The following TXLNB variants were observed in gnomAD, a reference collection of about 807,000 sequenced individuals.
The protein encoded by TXLNB is taxilin beta, also known as beta-taxilin.
Under a neutral mutation model 57.4 loss-of-function variants are expected in TXLNB, and 37 were observed. The observed-to-expected ratio is 0.64, with a 90% CI of 0.50 to 0.85. The LOEUF is 0.85. TXLNB is among the 40% of genes least tolerant of loss of function. TXLNB has a pLI of 0.00. For missense variants in TXLNB, 848 were observed against 825.6 expected (o/e 1.03, Z -0.33); for synonymous variants, 302 against 309.6 (o/e 0.98, Z 0.26).
rs749772811 is a variant in TXLNB, at chr6:139,260,361, A to C, written c.959T>G (p.Met320Arg). Residue 320 changes from methionine to arginine, a missense_variant, in exon 6 of 10, where the codon ATG (methionine) becomes AGG (arginine). By Grantham distance (91) the Met-to-Arg change is moderately conservative (BLOSUM62 -1). Transcript: ENST00000358430. ...GTGTCGCTCCTCCGCTTCCTTCATC[A>C]TTTCTTGGGCCTGCTCAAGCTTTGC... ...VDAKLEQAQEMMKEAEERHKR... is the reference protein window; with the variant it reads ...VDAKLEQAQERMKEAEERHKR... 7.4e-6 allele frequency: 12 copies of C among 1,614,062 alleles called. No homozygotes were observed. In the South Asian group the frequency reaches 1.3e-4, roughly 18 times the overall value.
rs953495858 is a variant in TXLNB at position 139,286,256 on chromosome 6, A to G, written c.424+2220T>C. Among the ~76,000 whole-genome samples, 6 of 146,908 alleles carry G rather than the reference A, an allele frequency of 4.1e-5. 1 individual carries two copies. The highest frequency in any genetic ancestry group is 9.0e-5 in the Non-Finnish European group (6 of 66,544). Reference sequence around the variant, plus strand: ...TCTCCCCTTCCATCTGCTTCTGTAAACTCTCCTCCCTGTCAAGGTCTGGTC... The same window carrying G: ...TCTCCCCTTCCATCTGCTTCTGTAAGCTCTCCTCCCTGTCAAGGTCTGGTC... On this transcript the variant is annotated intron_variant, in intron 2 of 9. Transcript: ENST00000358430.
chr6:139,314,362 C>A, the TXLNB span, among the ~76,000 whole-genome samples: 1 of 152,242 alleles, frequency 6.6e-6, no homozygotes, highest in African/African-American at 2.4e-5. Flanking sequence ...ACAAACATTT[C>A]TTTCTGCTGA....
chr6:139,164,162 C>G, the TXLNB span, among the ~76,000 whole-genome samples: 2 of 152,168 alleles, frequency 1.3e-5, no homozygotes, highest in Non-Finnish European at 2.9e-5. Flanking sequence ...CCACAGCACC[C>G]TCCCTCTGGC....
chr6:139,266,908 AT>A (rs1776628162), intron 4 of TXLNB, among the ~76,000 whole-genome samples: 1 of 149,008 alleles, frequency 6.7e-6, no homozygotes, highest in African/African-American at 2.5e-5. Context: ...ATGATTGTTG[AT>A]TTTCATGAGA....
chr6:139,178,012 G>C, the TXLNB span: 2 of 152,164 alleles, frequency 1.3e-5, no homozygotes, highest in Non-Finnish European at 2.9e-5. Context: ...CACATTTATT[G>C]TCCTCAAAAT....
At chr6:139,295,618 C>G (rs1313062400), upstream of TXLNB, among the ~76,000 whole-genome samples, 1 of 151,816 alleles carries the variant, frequency 6.6e-6, no homozygotes, top group Non-Finnish European at 1.5e-5. Context: ...AATAAAATGC[C>G]TTGATTTTAT....
At chr6:139,302,889 G>A in the TXLNB span, among the ~76,000 whole-genome samples, 2 of 152,088 alleles carry the variant, frequency 1.3e-5, no homozygotes, top group Admixed American at 1.3e-4. Context: ...TGGTTTTTCT[G>A]TATAAGGATA....
At chr6:139,184,384 G>A in the TXLNB span, among the ~76,000 whole-genome samples, 2 of 152,204 alleles carry the variant, frequency 1.3e-5, no homozygotes, top group Non-Finnish European at 2.9e-5. Context: ...AATTCTGTGA[G>A]GCCTAGCTGG....
At chr6:139,317,524 C>T in the TXLNB span, among the ~76,000 whole-genome samples, 29 of 152,066 alleles carry the variant, frequency 1.9e-4, no homozygotes, top group Non-Finnish European at 2.6e-4. Flanking sequence ...CTCAGCATCC[C>T]GAGTAGCTGG....
chr6:139,265,675 G>A (rs1468849387), intron 4 of TXLNB, among the ~76,000 whole-genome samples: 1 of 152,132 alleles, frequency 6.6e-6, no homozygotes, highest in African/African-American at 2.4e-5. Flanking sequence ...TGTAAACTCT[G>A]GATGAAATGC....
intron 6 of TXLNB, among the ~76,000 whole-genome samples, chr6:139,257,746 A>G (rs1019663765): frequency 1.3e-5 from 2 of 152,210 alleles, no homozygotes; most frequent in African/African-American, 4.8e-5. Flanking sequence ...CACGAGGTCT[A>G]TGTATTATAT....
chr6:139,161,607 GAC>G, the TXLNB span, among the ~76,000 whole-genome samples: 12 of 152,176 alleles, frequency 7.9e-5, no homozygotes, highest in African/African-American at 2.9e-4. Context: ...TTTTTGAAAA[GAC>G]ACAGAATTTT....
chr6:139,299,154 T>A, the TXLNB span, among the ~76,000 whole-genome samples: 8 of 152,182 alleles, frequency 5.3e-5, no homozygotes, highest in African/African-American at 9.6e-5. Context: ...ATTGGCTTGT[T>A]CCCATTGGCT....
At chr6:139,237,050 T>C (rs1775843575), downstream of TXLNB, among the ~76,000 whole-genome samples, 3 of 152,236 alleles carry the variant, frequency 2.0e-5, no homozygotes, top group African/African-American at 4.8e-5. Flanking sequence ...TTTATTGCTA[T>C]CCTGCTTCCC....
the TXLNB span, among the ~76,000 whole-genome samples, chr6:139,303,902 G>A: frequency 6.8e-6 from 1 of 147,190 alleles, no homozygotes; most frequent in African/African-American, 2.5e-5. Flanking sequence ...GGATTCTTAA[G>A]AGAAACATCT....
intron 7 of TXLNB, among the ~76,000 whole-genome samples, chr6:139,252,574 C>T (rs908120532): frequency 1.3e-5 from 2 of 152,150 alleles, no homozygotes; most frequent in Non-Finnish European, 2.9e-5. Context: ...ATGGACAAGG[C>T]GGGGTCAACT....
chr6:139,291,815 A>G (rs946681988), intron 1 of TXLNB, 106 bp downstream of exon 1: 1 of 152,184 alleles, frequency 6.6e-6, no homozygotes, highest in Non-Finnish European at 1.5e-5. Context: ...AACAATGAAA[A>G]GTTCTCCAAC....
intron 4 of TXLNB, among the ~76,000 whole-genome samples, chr6:139,264,294 T>C (rs1303676783): frequency 2.6e-5 from 4 of 152,236 alleles, no homozygotes; most frequent in Non-Finnish European, 1.5e-5. Context: ...TGGTCCTGAT[T>C]AGCTTAGAAG....
the TXLNB span, among the ~76,000 whole-genome samples, chr6:139,318,243 C>G: frequency 1.3e-4 from 17 of 132,638 alleles, no homozygotes; most frequent in African/African-American, 4.9e-4. Flanking sequence ...GCACTCCAGC[C>G]TGAGTGACAG....
Sources: gnomAD v4.1 joint callset for allele counts (sites outside exome capture counted in the v4.1 genomes callset) on GRCh38, gnomAD v4.1.1 for gene constraint, MANE v1.5 for transcripts, NCBI Gene and HGNC (gene_info 2026-07-23, HGNC 2026-07-21) for gene names.